The following RANBP17 variants were observed in gnomAD, a reference collection of about 807,000 sequenced individuals.
The protein encoded by RANBP17 is ran-binding protein 17.
RANBP17 carries 158 observed loss-of-function variants against 141.2 expected under a neutral mutation model. That is an observed-to-expected ratio of 1.12 (90% CI 0.98 to 1.28). RANBP17 has a LOEUF of 1.28. RANBP17 is among the 50% of genes most tolerant of loss of function. The pLI is 0.00. For missense variants in RANBP17, 1,438 were observed against 1,290.7 expected, an observed-to-expected ratio of 1.11 and a Z score of -1.75; for synonymous variants, 430 against 450.0, an observed-to-expected ratio of 0.96 and a Z score of 0.56.
At chr5:171,035,269 T>C (rs1188169331) in intron 14 of RANBP17, among the ~76,000 whole-genome samples, 1 of 152,068 alleles carries the variant, frequency 6.6e-6, no homozygotes, top group Admixed American at 6.6e-5. Flanking sequence ...ATTTGATATG[T>C]ATGCAGAACA....
chr5:170,980,273 A>T (rs1777670393), intron 14 of RANBP17, among the ~76,000 whole-genome samples: 1 of 152,224 alleles, frequency 6.6e-6, no homozygotes, highest in Admixed American at 6.5e-5. Flanking sequence ...TTGTAGCCTG[A>T]CAATGTGATA....
At chr5:171,142,929 CATT>C (rs1757798851) in intron 14 of RANBP17, among the ~76,000 whole-genome samples, 2 of 152,184 alleles carry the variant, frequency 1.3e-5, no homozygotes, top group Non-Finnish European at 2.9e-5. Context: ...TAGGCATTTA[CATT>C]ATTTTTCTAG....
intron 14 of RANBP17, among the ~76,000 whole-genome samples, chr5:171,061,551 T>C (rs1783852181): frequency 1.3e-5 from 2 of 152,186 alleles, no homozygotes; most frequent in Non-Finnish European, 2.9e-5. Flanking sequence ...TTCTGATCTT[T>C]TACATTTGCT....
At position 171,242,705 on chromosome 5, in the gene RANBP17, T is replaced by TTA. The variant is rs1304258998; in HGVS notation, c.2663_2664dup (p.Tyr889IlefsTer13). On this transcript the variant is annotated frameshift_variant, in exon 24 of 28. Transcript: ENST00000523189. LOFTEE classifies it high-confidence loss of function. ...AGCAATACCGGAAACTGAGCCAGTC[T>TTA]TATTATCCACTCCTGGAATGTCTCA... 1 of 1,613,818 alleles carries TTA rather than the reference T, an allele frequency of 6.2e-7. No homozygotes were observed.
intron 14 of RANBP17, among the ~76,000 whole-genome samples, chr5:170,981,539 G>A (rs892637622): frequency 2.0e-5 from 3 of 151,986 alleles, no homozygotes; most frequent in African/African-American, 7.2e-5. Flanking sequence ...ATTAAAAGGG[G>A]GAGTTTTCCT....
chr5:170,989,503 T>C, intron 14 of RANBP17, among the ~76,000 whole-genome samples: 1 of 151,868 alleles, frequency 6.6e-6, no homozygotes, highest in East Asian at 1.9e-4. Context: ...TTTTTAATCA[T>C]TTATTTCATG....
chr5:171,204,467 A>T (rs1175988411), intron 19 of RANBP17, among the ~76,000 whole-genome samples: 5 of 152,170 alleles, frequency 3.3e-5, no homozygotes, highest in African/African-American at 1.2e-4. Flanking sequence ...TTATTACCAA[A>T]GTGTGAGAAA....
chr5:171,097,306 A>G (rs1273862084), intron 14 of RANBP17, among the ~76,000 whole-genome samples: 3 of 152,152 alleles, frequency 2.0e-5, no homozygotes, highest in Non-Finnish European at 2.9e-5. Context: ...TGGAAAGCAA[A>G]TAGTGGTCAC....
intron 14 of RANBP17, among the ~76,000 whole-genome samples, chr5:170,995,197 C>T (rs1778733793): frequency 6.6e-6 from 1 of 152,034 alleles, no homozygotes; most frequent in Non-Finnish European, 1.5e-5. Flanking sequence ...ATTTCCGAGA[C>T]ATGTTGTATG....
intron 14 of RANBP17, among the ~76,000 whole-genome samples, chr5:170,985,131 A>ATG (rs1778060318): frequency 6.6e-6 from 1 of 151,718 alleles, no homozygotes; most frequent in Non-Finnish European, 1.5e-5. Flanking sequence ...ACATACACAA[A>ATG]CACAGACACA....
chr5:171,171,087 C>T, intron 15 of RANBP17, 119 bp from the exon 16 acceptor site: 5 of 572,240 alleles, frequency 8.7e-6, no homozygotes, highest in Non-Finnish European at 1.5e-5. Flanking sequence ...GCCTGTTTTT[C>T]ACTTTCAAAA....
At chr5:171,025,110 T>C (rs544529150) in intron 14 of RANBP17, among the ~76,000 whole-genome samples, 1 of 152,318 alleles carries the variant, frequency 6.6e-6, no homozygotes, top group African/African-American at 2.4e-5. Flanking sequence ...CCCTTCTATG[T>C]ATTTGATTGT....
At chr5:171,004,865 G>A (rs182729468) in intron 14 of RANBP17, among the ~76,000 whole-genome samples, 1 of 152,294 alleles carries the variant, frequency 6.6e-6, no homozygotes, top group East Asian at 1.9e-4. Flanking sequence ...AGGTCCATGA[G>A]GATGTTTTGA....
intron 14 of RANBP17, among the ~76,000 whole-genome samples, chr5:171,156,276 A>C (rs1216763615): frequency 6.6e-6 from 1 of 152,146 alleles, no homozygotes; most frequent in Non-Finnish European, 1.5e-5. Context: ...TGCTAAAATT[A>C]TGATTTTTAA....
chr5:171,033,471 C>G (rs895278720), intron 14 of RANBP17, among the ~76,000 whole-genome samples: 1 of 152,102 alleles, frequency 6.6e-6, no homozygotes, highest in Non-Finnish European at 1.5e-5. Context: ...AACCTGGGAC[C>G]ATGCTGTCCT....
At chr5:171,032,773 T>A (rs973955879) in intron 14 of RANBP17, among the ~76,000 whole-genome samples, 2 of 152,268 alleles carry the variant, frequency 1.3e-5, no homozygotes, top group Admixed American at 1.3e-4. Context: ...TATTACCATA[T>A]TCTCAAATTG....
intron 14 of RANBP17, among the ~76,000 whole-genome samples, chr5:171,055,284 G>A (rs1250263278): frequency 1.3e-5 from 2 of 152,062 alleles, no homozygotes; most frequent in African/African-American, 4.8e-5. Flanking sequence ...TGGTTTACAG[G>A]AATAGACAGG....
intron 11 of RANBP17, among the ~76,000 whole-genome samples, chr5:170,921,849 G>A (rs1234094088): frequency 3.9e-5 from 6 of 152,052 alleles, no homozygotes; most frequent in African/African-American, 7.2e-5. Context: ...CTCAGTCTCC[G>A]TCCAGTTTTG....
At chr5:170,961,724 G>A (rs111799492) in intron 13 of RANBP17, among the ~76,000 whole-genome samples, 32 of 152,272 alleles carry the variant, frequency 2.1e-4, no homozygotes, top group African/African-American at 7.7e-4. Flanking sequence ...CTGATCTGAA[G>A]CATTTCACAA....
Sources: gnomAD v4.1 joint callset for allele counts (sites outside exome capture counted in the v4.1 genomes callset) on GRCh38, gnomAD v4.1.1 for gene constraint, MANE v1.5 for transcripts, NCBI Gene and HGNC (gene_info 2026-07-23, HGNC 2026-07-21) for gene names.